Variants in PTK2 observed in about 807,000 individuals in gnomAD.
The protein encoded by PTK2 is focal adhesion kinase 1.
A neutral mutation model predicts 150.1 loss-of-function variants in PTK2; 45 were observed. The ratio of observed to expected loss-of-function variants is 0.30; its 90% CI spans 0.24 to 0.38. The LOEUF (loss-of-function observed/expected upper bound fraction) is 0.38. PTK2 is among the 10% of genes least tolerant of loss of function. PTK2 has a pLI of 1.00. For missense variants in PTK2, 919 were observed against 1,307.3 expected (o/e 0.70, Z 4.58); for synonymous variants, 432 against 449.2 (o/e 0.96, Z 0.48).
In PTK2 at chr8:140,707,297, G is replaced by C. The variant is rs188318587; in HGVS notation, c.2143-1092C>G. Among the ~76,000 whole-genome samples the C allele has an allele frequency of 6.4e-3, 969 of 152,258 alleles. 15 individuals are homozygous for C. The highest frequency in any genetic ancestry group is 0.021 in the African/African-American group (885 of 41,546). ...TCACGCCTATAATCCCAGCACTTTGGGAGGCCGAGGTGGATCACACGGTGA... is the reference window on the plus strand; with the variant it reads ...TCACGCCTATAATCCCAGCACTTTGCGAGGCCGAGGTGGATCACACGGTGA... On this transcript the variant is annotated intron_variant, in intron 23 of 31. Coordinates refer to ENST00000522684, the Ensembl canonical transcript of PTK2.
chr8:140,696,410 TAATAA>T (rs1175216182), intron 26 of PTK2, among the ~76,000 whole-genome samples: 1 of 152,178 alleles, frequency 6.6e-6, no homozygotes, highest in African/African-American at 2.4e-5. Context: ...GTGCACATCA[TAATAA>T]AATAAGTTAA....
At chr8:140,875,324 A>G (rs558495726) in intron 4 of PTK2, among the ~76,000 whole-genome samples, 3 of 152,360 alleles carry the variant, frequency 2.0e-5, no homozygotes, top group Admixed American at 6.5e-5. Flanking sequence ...ATGAAGGGCC[A>G]TATTATTCAA....
chr8:140,853,640 A>G (rs2100130768), intron 5 of PTK2, among the ~76,000 whole-genome samples: 1 of 152,112 alleles, frequency 6.6e-6, no homozygotes, highest in Non-Finnish European at 1.5e-5. Context: ...GAATAGTGCC[A>G]CAGTAAACAC....
intron 1 of PTK2, among the ~76,000 whole-genome samples, chr8:140,935,016 A>G (rs1018116009): frequency 6.6e-6 from 1 of 152,266 alleles, no homozygotes; most frequent in Non-Finnish European, 1.5e-5. Flanking sequence ...AACAAGTGAC[A>G]CATGATCTTA....
At chr8:140,761,919 T>C (rs1019068911) in intron 15 of PTK2, among the ~76,000 whole-genome samples, 53 of 152,118 alleles carry the variant, frequency 3.5e-4, no homozygotes, top group Non-Finnish European at 1.5e-4. Context: ...CAAATTAATA[T>C]ACTGTTATTG....
intron 16 of PTK2, 104 bp downstream of exon 19, chr8:140,761,061 T>C: frequency 3.9e-6 from 3 of 768,690 alleles, no homozygotes; most frequent in Non-Finnish European, 6.4e-6. Context: ...CACCCGTAAA[T>C]ATTAATACCT....
chr8:140,913,218 C>G (rs907834795), intron 2 of PTK2, among the ~76,000 whole-genome samples: 3 of 151,940 alleles, frequency 2.0e-5, no homozygotes, highest in Non-Finnish European at 4.4e-5. Context: ...AACTAATAAG[C>G]GAATTTATAA....
At chr8:140,887,087 G>A (rs961772814) in intron 3 of PTK2, among the ~76,000 whole-genome samples, 1 of 152,172 alleles carries the variant, frequency 6.6e-6, no homozygotes, top group Non-Finnish European at 1.5e-5. Flanking sequence ...ACCCTGAGCT[G>A]TTTGGGGGGC....
chr8:140,931,289 C>A (rs1371473479), intron 1 of PTK2, among the ~76,000 whole-genome samples: 1 of 152,122 alleles, frequency 6.6e-6, no homozygotes, highest in Non-Finnish European at 1.5e-5. Flanking sequence ...AATACAGTTT[C>A]TTTTGCATTA....
intron 29 of PTK2, 84 bp downstream of exon 32, chr8:140,674,214 C>G: frequency 7.5e-7 from 1 of 1,338,304 alleles, no homozygotes; most frequent in Non-Finnish European, 1.1e-6. Flanking sequence ...CAACTCCACT[C>G]TATGACATGA....
In PTK2 at chr8:140,761,139, T is replaced by C. The variant is rs758027576; in HGVS notation, c.1332+26A>G. 3 of 1,465,354 alleles carry C rather than the reference T, an allele frequency of 2.0e-6. No homozygotes were observed. The African/African-American group carries it at 4.2e-5, about 20-fold the overall frequency. 90.8% of individuals were successfully genotyped at this position (1,465,354 alleles called of 1,614,324 possible). On this transcript the variant is annotated intron_variant, in intron 16 of 31. Transcript: ENST00000522684. ...ACTTAAATAGTCAAAATTAGTCTAG[T>C]TGTTTGGTAGTCTTAAAAGACTTAC...
chr8:140,845,340 C>T (rs1360110530), intron 7 of PTK2, among the ~76,000 whole-genome samples: 1 of 152,100 alleles, frequency 6.6e-6, no homozygotes, highest in African/African-American at 2.4e-5. Flanking sequence ...GGTATTCTAT[C>T]TACCCCCAAC....
chr8:140,798,591 C>T (rs1250709404), intron 12 of PTK2, among the ~76,000 whole-genome samples: 1 of 152,126 alleles, frequency 6.6e-6, no homozygotes, highest in Non-Finnish European at 1.5e-5. Context: ...GAAATCAACA[C>T]AGGAAGATGT....
chr8:140,844,618 T>C (rs929025723), intron 7 of PTK2, among the ~76,000 whole-genome samples: 2 of 152,168 alleles, frequency 1.3e-5, no homozygotes, highest in East Asian at 1.9e-4. Flanking sequence ...TTTTGAGCAC[T>C]TCCTTCTTTC....
intron 3 of PTK2, among the ~76,000 whole-genome samples, chr8:140,887,396 C>T (rs2100152689): frequency 6.6e-6 from 1 of 152,262 alleles, no homozygotes; most frequent in East Asian, 1.9e-4. Context: ...TGGATTTTGC[C>T]TATAAACTGT....
At chr8:140,939,513 C>A (rs1344750213) in intron 1 of PTK2, among the ~76,000 whole-genome samples, 1 of 152,224 alleles carries the variant, frequency 6.6e-6, no homozygotes, top group African/African-American at 2.4e-5. Flanking sequence ...ATCAACCCTA[C>A]AGGCCCAGAA....
intron 5 of PTK2, among the ~76,000 whole-genome samples, chr8:140,858,977 C>T (rs1422631081): frequency 6.6e-6 from 1 of 152,096 alleles, no homozygotes; most frequent in Admixed American, 6.5e-5. Context: ...CCATTTATAC[C>T]AACAAGGTAT....
intron 14 of PTK2, among the ~76,000 whole-genome samples, chr8:140,772,667 C>A (rs2100076173): frequency 6.6e-6 from 1 of 152,108 alleles, no homozygotes; most frequent in South Asian, 2.1e-4. Flanking sequence ...TAAGCAGCAC[C>A]ATGTCTGTAA....
chr8:140,660,948 C>T (rs1463937203), intron 31 of PTK2, among the ~76,000 whole-genome samples: 1 of 152,182 alleles, frequency 6.6e-6, no homozygotes, highest in African/African-American at 2.4e-5. Context: ...AGGAGGAAGA[C>T]CTGTTTTTAC....
Sources: gnomAD v4.1 joint callset for allele counts (sites outside exome capture counted in the v4.1 genomes callset) on GRCh38, gnomAD v4.1.1 for gene constraint, MANE v1.5 for transcripts, NCBI Gene and HGNC (gene_info 2026-07-23, HGNC 2026-07-21) for gene names.